Variants in AKAP7 observed in about 807,000 individuals in gnomAD.
AKAP7 encodes A-kinase anchoring protein 7.
A neutral mutation model predicts 39.5 loss-of-function variants in AKAP7; 39 were observed. The observed-to-expected ratio is 0.99, with a 90% confidence interval of 0.76 to 1.29. The LOEUF is 1.29. AKAP7 is among the 50% of genes most tolerant of loss of function. The pLI, the probability that AKAP7 is intolerant of heterozygous loss-of-function variation, is 0.00. For missense variants in AKAP7, 414 were observed against 407.7 expected (o/e 1.02, Z -0.13); for synonymous variants, 140 against 139.1 (o/e 1.01, Z -0.05).
chr6:131,210,529 A>T (rs1808546697), intron 6 of AKAP7, among the ~76,000 whole-genome samples: 2 of 152,178 alleles, frequency 1.3e-5, no homozygotes, highest in South Asian at 4.1e-4. Context: ...ACCATTTTGG[A>T]GATCCATCTT....
chr6:131,264,507 T>C (rs1263784504), intron 7 of AKAP7, among the ~76,000 whole-genome samples: 1 of 152,194 alleles, frequency 6.6e-6, no homozygotes, highest in South Asian at 2.1e-4. Context: ...TCAAGAAATA[T>C]ATTGTATAAA....
chr6:131,282,616 C>A lies in AKAP7; in HGVS notation c.*890C>A. 1 of 1,520,110 alleles carries A rather than the reference C, an allele frequency of 6.6e-7. No individual in the cohort carries two copies. Among genetic ancestry groups the A allele is most frequent in the Non-Finnish European group, 8.8e-7 (1 of 1,133,864 alleles). The allele number at this position is 1,520,110 out of a possible 1,614,324, so 94.2% of individuals were successfully genotyped here. The stretch of plus-strand genomic sequence containing the variant: ...CAACTTTGACATAAGCTCTACATTG[C>A]GATTGTGACAACATAGCTTATGAAA... On this transcript the variant is annotated 3_prime_UTR_variant, in exon 8 of 8. Coordinates refer to ENST00000431975, the MANE Select transcript of AKAP7 (RefSeq NM_016377.4).
intron 7 of AKAP7, among the ~76,000 whole-genome samples, chr6:131,224,730 C>CTTTTTTTTTTTTTTTTTT (rs779047229): frequency 1.8e-5 from 1 of 55,086 alleles, no homozygotes; most frequent in African/African-American, 7.3e-5. Context: ...AGTTGATTCA[C>CTTTTTTTTTTTTTTTTTT]TTTTTTTTTT....
At chr6:131,160,986 C>T (rs1802886205) in intron 3 of AKAP7, among the ~76,000 whole-genome samples, 1 of 47,468 alleles carries the variant, frequency 2.1e-5, no homozygotes, top group African/African-American at 1.1e-4. Flanking sequence ...TGTTTTTACC[C>T]TTTGGCCCAA....
chr6:131,180,828 T>C (rs1805132551), intron 5 of AKAP7, among the ~76,000 whole-genome samples: 1 of 100,218 alleles, frequency 1.0e-5, no homozygotes, highest in Non-Finnish European at 2.0e-5. Context: ...TTTTTTTGTT[T>C]GTTTTGTTTT....
intron 2 of AKAP7, among the ~76,000 whole-genome samples, chr6:131,154,648 G>C (rs941125728): frequency 6.6e-6 from 1 of 151,816 alleles, no homozygotes; most frequent in Non-Finnish European, 1.5e-5. Flanking sequence ...AAAAGGTAAA[G>C]AATCTTTAAG....
intron 7 of AKAP7, among the ~76,000 whole-genome samples, chr6:131,252,346 C>A (rs1347481263): frequency 6.6e-6 from 1 of 152,166 alleles, no homozygotes; most frequent in South Asian, 2.1e-4. Context: ...GCATTTGCAC[C>A]CCTGCCCCCA....
At chr6:131,171,542 G>T (rs146617689) in intron 5 of AKAP7, among the ~76,000 whole-genome samples, 1 of 152,262 alleles carries the variant, frequency 6.6e-6, no homozygotes, top group East Asian at 1.9e-4. Context: ...ATGCTAAAGG[G>T]AGCAGTGAAG....
At chr6:131,132,291 C>A (rs1302747675), upstream of AKAP7, among the ~76,000 whole-genome samples, 1 of 145,984 alleles carries the variant, frequency 6.9e-6, no homozygotes, top group Non-Finnish European at 1.5e-5. Context: ...CCAGCCTGGG[C>A]GACAGAGCGA....
intron 1 of AKAP7, among the ~76,000 whole-genome samples, chr6:131,136,573 G>T (rs550429302): frequency 6.6e-6 from 1 of 152,308 alleles, no homozygotes; most frequent in South Asian, 2.1e-4. Context: ...GGAGAAAAGA[G>T]CCATACTCCA....
At chr6:131,130,747 G>A (rs1170906550), upstream of AKAP7, among the ~76,000 whole-genome samples, 3 of 152,160 alleles carry the variant, frequency 2.0e-5, no homozygotes, top group African/African-American at 7.2e-5. Context: ...AGCAAGGGCT[G>A]GGAACAGGTG....
intron 7 of AKAP7, among the ~76,000 whole-genome samples, chr6:131,251,761 G>C (rs929105488): frequency 6.6e-6 from 1 of 152,226 alleles, no homozygotes; most frequent in African/African-American, 2.4e-5. Context: ...TAAAGTGTGT[G>C]ACAGTCCTGC....
chr6:131,231,755 A>G (rs1810643013), intron 7 of AKAP7, among the ~76,000 whole-genome samples: 1 of 152,168 alleles, frequency 6.6e-6, no homozygotes, highest in Admixed American at 6.6e-5. Context: ...CACCCTACCT[A>G]AGAAAGTATA....
chr6:131,187,965 A>G (rs1426335790), intron 5 of AKAP7, among the ~76,000 whole-genome samples: 2 of 152,230 alleles, frequency 1.3e-5, no homozygotes, highest in Non-Finnish European at 2.9e-5. Context: ...TATCAGTGTT[A>G]AGTGATGTGT....
intron 7 of AKAP7, among the ~76,000 whole-genome samples, chr6:131,278,624 G>T (rs1814939826): frequency 6.6e-6 from 1 of 152,158 alleles, no homozygotes; most frequent in South Asian, 2.1e-4. Flanking sequence ...TGAAGGGGAA[G>T]CAGGCATATC....
the AKAP7 span, among the ~76,000 whole-genome samples, chr6:131,128,669 A>G: frequency 2.0e-5 from 3 of 152,008 alleles, no homozygotes; most frequent in Admixed American, 6.6e-5. Context: ...CTAAGAATAC[A>G]AAATTAGCCA....
intron 6 of AKAP7, among the ~76,000 whole-genome samples, chr6:131,213,747 T>G (rs1194403286): frequency 3.9e-5 from 6 of 152,144 alleles, no homozygotes; most frequent in African/African-American, 1.4e-4. Flanking sequence ...CAGCATATGG[T>G]CTCTCCTGCA....
At chr6:131,169,555 G>T (rs1032312425) in intron 5 of AKAP7, among the ~76,000 whole-genome samples, 1 of 152,170 alleles carries the variant, frequency 6.6e-6, no homozygotes, top group African/African-American at 2.4e-5. Context: ...GAGCCAGTTG[G>T]TGAATCAGCA....
At chr6:131,187,775 C>T (rs575532647) in intron 5 of AKAP7, among the ~76,000 whole-genome samples, 1 of 152,346 alleles carries the variant, frequency 6.6e-6, no homozygotes, top group Middle Eastern at 3.4e-3. Context: ...TAGGTAGTCT[C>T]TCTTCCCTCA....
Sources: allele counts gnomAD v4.1 joint callset (sites outside exome capture counted in the v4.1 genomes callset), GRCh38; gene constraint gnomAD v4.1.1; transcripts MANE v1.5; gene names NCBI Gene and HGNC (gene_info 2026-07-23, HGNC 2026-07-21).